Variants in EVC observed in about 807,000 individuals in gnomAD.
The protein encoded by EVC is evC complex member EVC.
A neutral mutation model predicts 118.9 loss-of-function variants in EVC; 116 were observed. That is an observed-to-expected ratio of 0.98 (90% confidence interval 0.84 to 1.14). The LOEUF is 1.14. Ranked by LOEUF, EVC falls within the 50% of genes most tolerant of loss-of-function variation. The probability of loss-of-function intolerance (pLI) is 0.00; values close to 1 mark genes in which losing one functional copy is unlikely to be tolerated. For missense variants in EVC, 1,401 were observed against 1,246.4 expected, an observed-to-expected ratio of 1.12 and a Z score of -1.87; for synonymous variants, 619 against 534.7, an observed-to-expected ratio of 1.16 and a Z score of -2.18.
At chr4:5,799,646 C>T (rs2152349260) in intron 15 of EVC, among the ~76,000 whole-genome samples, 1 of 152,310 alleles carries the variant, frequency 6.6e-6, no homozygotes, top group South Asian at 2.1e-4. Flanking sequence ...TGGGAGACAG[C>T]AGCAGGTTAC....
chr4:5,717,978 G>A (rs1238437337), intron 1 of EVC, among the ~76,000 whole-genome samples: 11 of 152,212 alleles, frequency 7.2e-5, no homozygotes, highest in African/African-American at 2.7e-4. Flanking sequence ...AACAAGGCCT[G>A]ACACAAAGCA....
intron 11 of EVC, among the ~76,000 whole-genome samples, chr4:5,783,051 C>T (rs892314094): frequency 6.6e-6 from 1 of 151,638 alleles, no homozygotes; most frequent in Middle Eastern, 3.2e-3. Context: ...TGAGAGGGCT[C>T]TAAGGTGACG....
chr4:5,783,963 C>G (rs112126279), intron 12 of EVC, among the ~76,000 whole-genome samples, 199 bp downstream of exon 12: 3 of 152,210 alleles, frequency 2.0e-5, no homozygotes, highest in Admixed American at 6.5e-5. Flanking sequence ...AACAGGAAGT[C>G]GGAGATCATA....
chr4:5,809,410 G>GTGGT, intron 18 of EVC, 108 bp from the exon 19 acceptor site: 1 of 939,166 alleles, frequency 1.1e-6, no homozygotes, highest in African/African-American at 1.6e-5. Context: ...CACGGGAGAC[G>GTGGT]TGGTCTTCAG....
In EVC at chr4:5,730,743, G is replaced by A. The variant is rs1037211448; in HGVS notation, c.385-682G>A. Among the ~76,000 whole-genome samples the A allele has an allele frequency of 3.3e-5, 5 of 152,054 alleles. No homozygotes were observed. In the East Asian group the frequency reaches 7.7e-4, roughly 24 times the overall value. On this transcript the variant is annotated intron_variant, in intron 3 of 20. Transcript: ENST00000264956. ...TCTGCCCAGCAAACAACAAATGGGG[G>A]GTGTTTCAGGTAGGGGGACCAAAGT...
At chr4:5,825,335 C>A in the EVC span, 62 of 985,190 alleles carry the variant, frequency 6.3e-5, no homozygotes, top group Non-Finnish European at 7.2e-5. This position sits in a 1 kb window ranked among gnomAD's most constrained non-coding sequence, Gnocchi z 4.4. Flanking sequence ...CCAGCCCACT[C>A]TGCCCCACCA....
chr4:5,726,121 T>A (rs1725767981), intron 2 of EVC, among the ~76,000 whole-genome samples: 1 of 152,204 alleles, frequency 6.6e-6, no homozygotes, highest in African/African-American at 2.4e-5. Context: ...ATCCTGTGTT[T>A]CCCACAATAG....
intron 1 of EVC, among the ~76,000 whole-genome samples, chr4:5,717,350 C>T (rs1343774131): frequency 6.6e-6 from 1 of 151,742 alleles, no homozygotes; most frequent in Non-Finnish European, 1.5e-5. Context: ...AGTTTTTTTT[C>T]CCTGTGTAGT....
chr4:5,730,633 A>G (rs1016229446), intron 3 of EVC, among the ~76,000 whole-genome samples: 10 of 152,092 alleles, frequency 6.6e-5, no homozygotes, highest in African/African-American at 2.4e-4. Flanking sequence ...AGGACAGTGC[A>G]TGATGAAATA....
At chr4:5,729,886 G>A (rs1312730278) in intron 3 of EVC, among the ~76,000 whole-genome samples, 1 of 152,170 alleles carries the variant, frequency 6.6e-6, no homozygotes, top group Non-Finnish European at 1.5e-5. Flanking sequence ...AGTGACCTGA[G>A]GTCACGTGAC....
At chr4:5,785,559 C>G (rs770820470) in intron 12 of EVC, among the ~76,000 whole-genome samples, 16 of 152,264 alleles carry the variant, frequency 1.1e-4, no homozygotes, top group African/African-American at 2.4e-4. Context: ...GTTGCCTGCC[C>G]GAATGAATTC....
In EVC at chr4:5,741,785, T is replaced by C. The variant is rs6414624; in HGVS notation, c.772T>C (p.Tyr258His). Residue 258 changes from tyrosine (Y) to histidine (H), a missense_variant, in exon 6 of 21, where the codon TAC becomes CAC. Physicochemically the swap from Tyr to His is moderately conservative, Grantham distance 83. Coordinates refer to ENST00000264956, the MANE Select transcript of EVC (RefSeq NM_153717.3). Reference sequence around the variant, plus strand: ...TAAAAAGAAGTCAGATGATGAACTATACCAGAAGATCCTTTCAAAACAAGA... The same window carrying C: ...TAAAAAGAAGTCAGATGATGAACTACACCAGAAGATCCTTTCAAAACAAGA... ...LPKKKSDDELYQKILSKQEKD... is the reference protein window; with the variant it reads ...LPKKKSDDELHQKILSKQEKD... 1,216,884 of 1,539,220 alleles carry C rather than the reference T, an allele frequency of 0.79. 485,523 individuals carry two copies. The highest frequency in any genetic ancestry group is 0.91 in the East Asian group (40,428 of 44,358).
chr4:5,748,326 G>C lies in EVC; in HGVS notation c.1098+20G>C, dbSNP rs766312086. 8 of 1,613,490 alleles carry C rather than the reference G, an allele frequency of 5.0e-6. No homozygotes were observed. Among genetic ancestry groups the C allele is most frequent in the Non-Finnish European group, 6.8e-6 (8 of 1,179,798 alleles). On this transcript the variant is annotated intron_variant, in intron 8 of 20. Coordinates refer to ENST00000264956, the MANE Select transcript of EVC (RefSeq NM_153717.3). ...GCTCTGGTAATGCTGGAGGGGGCGG[G>C]AGGGAACATAAAGATATTCAGACTA...
intron 5 of EVC, 43 bp downstream of exon 5, chr4:5,733,478 G>A: frequency 6.5e-7 from 1 of 1,528,804 alleles, no homozygotes; most frequent in Non-Finnish European, 9.1e-7. Flanking sequence ...ATGGGGACAG[G>A]AGCTGGGAGA....
chr4:5,791,244 T>C (rs1712726858), intron 12 of EVC, among the ~76,000 whole-genome samples: 1 of 152,110 alleles, frequency 6.6e-6, no homozygotes, highest in African/African-American at 2.4e-5. Context: ...CTCAGAGATC[T>C]AAAGAGATGG....
Position 5,731,634 on chromosome 4 carries a change from C to G in EVC, c.594C>G (p.Phe198Leu). 1 of 1,614,144 alleles carries G rather than the reference C, an allele frequency of 6.2e-7. No individual in the cohort carries two copies. The highest frequency in any genetic ancestry group is 8.5e-7 in the Non-Finnish European group (1 of 1,180,036). The stretch of plus-strand genomic sequence containing the variant: ...GCACCTTCCTCCGGGTGAACGCCTT[C>G]CCTGAAGTGCTGGCCTGCGAGAGGT... ...LSRTFLRVNA[F>L]PEVLACESVD... The change falls in exon 4 of 21, where the codon TTC becomes TTG. Residue 198 changes from phenylalanine to leucine, a missense_variant. Coordinates refer to ENST00000264956, the MANE Select transcript of EVC (RefSeq NM_153717.3). This position sits in a 1 kb window ranked among gnomAD's most constrained non-coding sequence, Gnocchi z 5.6.
chr4:5,752,960 C>T lies in EVC; in HGVS notation c.1223C>T (p.Ala408Val), dbSNP rs1351243545. ...ATCTCCCACGGCCTGGAGCTGCTGG[C>T]TGGTGAGGGGAAGCTGTCCGGGCGG... ...AAISHGLELL[A>V]GEGKLSGRQK... The change falls in exon 9 of 21, where the codon GCT becomes GTT. Residue 408 changes from alanine to valine, a missense_variant. Coordinates refer to ENST00000264956, the MANE Select transcript of EVC (RefSeq NM_153717.3). The T allele has an allele frequency of 1.2e-6, 2 of 1,613,942 alleles. No individual in the cohort carries two copies. Among genetic ancestry groups the T allele is most frequent in the Admixed American group, 1.7e-5 (1 of 60,012 alleles).
At chr4:5,790,892 A>C (rs995072146) in intron 12 of EVC, among the ~76,000 whole-genome samples, 9 of 152,094 alleles carry the variant, frequency 5.9e-5, no homozygotes, top group African/African-American at 2.2e-4. Context: ...TCAGGAGTTC[A>C]AGACCAGCCT....
intron 11 of EVC, among the ~76,000 whole-genome samples, chr4:5,765,699 T>C (rs1426229167): frequency 2.3e-5 from 3 of 127,664 alleles, no homozygotes; most frequent in African/African-American, 6.0e-5. Context: ...GTTTAAAGTC[T>C]GTTTTATCAG....
Sources: allele counts gnomAD v4.1 joint callset (sites outside exome capture counted in the v4.1 genomes callset), GRCh38; gene constraint gnomAD v4.1.1; non-coding constraint Gnocchi (gnomAD v3.1); transcripts MANE v1.5; gene names NCBI Gene and HGNC (gene_info 2026-07-23, HGNC 2026-07-21).